The following COL25A1 variants were observed in gnomAD, a reference collection of about 807,000 sequenced individuals.
COL25A1 encodes the protein collagen type XXV alpha 1 chain.
In COL25A1, 103 loss-of-function variants were observed where a neutral mutation model predicts 128.4. That is an observed-to-expected ratio of 0.80 (90% confidence interval 0.68 to 0.94). COL25A1 has a LOEUF of 0.94. Among genes scored for constraint, COL25A1 ranks in the 40% least tolerant of loss-of-function variants. COL25A1 has a pLI of 0.00. For missense variants in COL25A1, 745 were observed against 840.0 expected (o/e 0.89, Z 1.40); for synonymous variants, 279 against 277.2 (o/e 1.01, Z -0.06).
chr4:108,855,146 T>C (rs1296547057), intron 24 of COL25A1, among the ~76,000 whole-genome samples: 2 of 151,844 alleles, frequency 1.3e-5, no homozygotes, highest in Non-Finnish European at 2.9e-5. Flanking sequence ...CATCCTTCTG[T>C]TTTCCACTGT....
At chr4:108,822,803 T>C (rs1427328292) in intron 35 of COL25A1, among the ~76,000 whole-genome samples, 1 of 152,232 alleles carries the variant, frequency 6.6e-6, no homozygotes, top group African/African-American at 2.4e-5. Flanking sequence ...ATGTATTTTA[T>C]AGTCAGAATT....
chr4:109,273,227 A>G (rs942391975), intron 3 of COL25A1, among the ~76,000 whole-genome samples: 1 of 152,220 alleles, frequency 6.6e-6, no homozygotes, highest in African/African-American at 2.4e-5. Context: ...TAAAAAAGCA[A>G]AGATTATAGT....
At chr4:108,838,537 G>GA (rs888723442) in intron 31 of COL25A1, among the ~76,000 whole-genome samples, 12 of 150,300 alleles carry the variant, frequency 8.0e-5, no homozygotes, top group South Asian at 6.4e-4. Flanking sequence ...AGATTCGGTA[G>GA]AAAAAAAAAC....
chr4:108,906,474 C>T (rs772767389), intron 13 of COL25A1, among the ~76,000 whole-genome samples: 23 of 152,316 alleles, frequency 1.5e-4, no homozygotes, highest in Admixed American at 3.9e-4. Flanking sequence ...GTGCCTTTCT[C>T]TATTATACCA....
intron 3 of COL25A1, among the ~76,000 whole-genome samples, chr4:109,263,058 A>C (rs1307180635): frequency 6.6e-6 from 1 of 151,936 alleles, no homozygotes; most frequent in Admixed American, 6.6e-5. Flanking sequence ...GAACCTGGGA[A>C]ACTGAGGTTG....
intron 3 of COL25A1, among the ~76,000 whole-genome samples, chr4:109,255,233 C>T (rs1023408255): frequency 5.3e-5 from 8 of 152,064 alleles, no homozygotes; most frequent in African/African-American, 1.9e-4. Flanking sequence ...TTATTTTGCC[C>T]ATAAAATAGT....
Position 109,108,569 on chromosome 4 carries a change from T to C in COL25A1, c.368-58390A>G, listed in dbSNP as rs551346105. ...CTAGTAATGGGATGGCTGGGTCAAA[T>C]GGTATTTCTAGTTCTAGATCCTTGA... is the stretch of plus-strand genomic sequence containing the variant. On this transcript the variant is annotated intron_variant, in intron 3 of 37. Coordinates refer to ENST00000399132, the MANE Select transcript of COL25A1 (RefSeq NM_198721.4). Among the ~76,000 whole-genome samples, 11 of 152,270 alleles carry C rather than the reference T, an allele frequency of 7.2e-5. No homozygotes were observed. In the East Asian group the frequency reaches 1.7e-3, roughly 24 times the overall value.
In COL25A1 at chr4:108,972,021, G is replaced by A. The variant is rs111361238; in HGVS notation, c.492+2346C>T. ...ATGATCTTCAAGTTTTTCCAGCTTC[G>A]ATTTACCTCTTATGGCTTAATTTAT... On this transcript the variant is annotated intron_variant, in intron 8 of 37. Coordinates refer to ENST00000399132, the MANE Select transcript of COL25A1 (RefSeq NM_198721.4). Among the ~76,000 whole-genome samples the A allele has an allele frequency of 4.5e-3, 678 of 152,106 alleles. 5 individuals carry two copies. Among genetic ancestry groups the A allele is most frequent in the African/African-American group, 0.016 (648 of 41,482 alleles).
At chr4:109,085,317 C>T (rs563053603) in intron 3 of COL25A1, among the ~76,000 whole-genome samples, 1 of 152,292 alleles carries the variant, frequency 6.6e-6, no homozygotes, top group African/African-American at 2.4e-5. Flanking sequence ...ACAGAATGCA[C>T]GTTCCCTTCA....
chr4:108,816,496 T>C (rs898915785), intron 37 of COL25A1, among the ~76,000 whole-genome samples: 5 of 152,210 alleles, frequency 3.3e-5, no homozygotes, highest in African/African-American at 1.2e-4. Flanking sequence ...CTTTTATCCT[T>C]CAGTAGCATG....
At chr4:108,839,106 G>A (rs1734132283) in intron 31 of COL25A1, among the ~76,000 whole-genome samples, 1 of 152,152 alleles carries the variant, frequency 6.6e-6, no homozygotes, top group South Asian at 2.1e-4. Flanking sequence ...TGACATGGCA[G>A]AAGGGGTTTT....
At chr4:108,937,786 A>T (rs1425626923) in intron 11 of COL25A1, 22 bp downstream of exon 11, 1 of 1,595,378 alleles carries the variant, frequency 6.3e-7, no homozygotes. Flanking sequence ...TAGTATAGAA[A>T]AAGATAAACT....
At chr4:108,889,181 A>G in intron 18 of COL25A1, 40 bp downstream of exon 18, 5 of 1,558,958 alleles carry the variant, frequency 3.2e-6, no homozygotes, top group Non-Finnish European at 4.4e-6. Context: ...AAAATGGTGA[A>G]TATGAGACAG....
At chr4:109,255,608 C>T (rs973448457) in intron 3 of COL25A1, among the ~76,000 whole-genome samples, 1 of 151,750 alleles carries the variant, frequency 6.6e-6, no homozygotes, top group African/African-American at 2.4e-5. Context: ...TTCATTCTAA[C>T]AATCATTATT....
intron 3 of COL25A1, among the ~76,000 whole-genome samples, chr4:109,179,075 A>T (rs1774385052): frequency 6.6e-6 from 1 of 152,094 alleles, no homozygotes; most frequent in Non-Finnish European, 1.5e-5. Flanking sequence ...ATGTTTTTCC[A>T]AGTTTCATCT....
At position 108,980,745 on chromosome 4, in the gene COL25A1, G is replaced by A. The variant is rs949048921; in HGVS notation, c.439-6186C>T. Among the ~76,000 whole-genome samples, 6 of 152,196 alleles carry A rather than the reference G, an allele frequency of 3.9e-5. No homozygotes were observed. The South Asian group carries it at 8.3e-4, about 21-fold the overall frequency. On this transcript the variant is annotated intron_variant, in intron 6 of 37. Transcript: ENST00000399132. Reference sequence around the variant, plus strand: ...CTTTTTCAACTGTAAACTGAATATGGAATTACTCTATTTTAAACTCCACAA... The same window carrying A: ...CTTTTTCAACTGTAAACTGAATATGAAATTACTCTATTTTAAACTCCACAA...
intron 6 of COL25A1, among the ~76,000 whole-genome samples, chr4:108,977,849 T>C (rs771875696): frequency 1.3e-5 from 2 of 152,180 alleles, no homozygotes; most frequent in Non-Finnish European, 1.5e-5. Flanking sequence ...ACTGTTACTA[T>C]AGACACCTCC....
chr4:109,060,894 T>C (rs1301122532), intron 3 of COL25A1, among the ~76,000 whole-genome samples: 2 of 152,154 alleles, frequency 1.3e-5, no homozygotes, highest in Non-Finnish European at 2.9e-5. Flanking sequence ...TTGTTTTCAA[T>C]CCCAATGCTG....
intron 3 of COL25A1, among the ~76,000 whole-genome samples, chr4:109,205,870 T>C (rs973277720): frequency 3.3e-5 from 5 of 152,160 alleles, no homozygotes; most frequent in African/African-American, 1.2e-4. Flanking sequence ...GTCTCTGATG[T>C]AATTTAATAA....
Sources: allele counts gnomAD v4.1 joint callset (sites outside exome capture counted in the v4.1 genomes callset), GRCh38; gene constraint gnomAD v4.1.1; transcripts MANE v1.5; gene names NCBI Gene and HGNC (gene_info 2026-07-23, HGNC 2026-07-21).